Variants in NCALD observed in about 807,000 individuals in gnomAD.
The protein encoded by NCALD is neurocalcin-delta.
A neutral mutation model predicts 18.6 loss-of-function variants in NCALD; 10 were observed. That is an observed-to-expected ratio of 0.54 (90% CI 0.33 to 0.91). The LOEUF (loss-of-function observed/expected upper bound fraction) is 0.91. NCALD is among the 40% of genes least tolerant of loss of function. The pLI, the probability that NCALD is intolerant of heterozygous loss-of-function variation, is 0.03. For missense variants in NCALD, 184 were observed against 247.6 expected, an observed-to-expected ratio of 0.74 and a Z score of 1.72; for synonymous variants, 88 against 87.4, an observed-to-expected ratio of 1.01 and a Z score of -0.04.
intron 4 of NCALD, among the ~76,000 whole-genome samples, chr8:101,852,117 T>A (rs59747937): frequency 0.037 from 5,613 of 152,088 alleles, 220 homozygotes; most frequent in African/African-American, 0.092. Context: ...GAGCAATAAT[T>A]TTCTATTATC....
chr8:101,807,017 GA>G (rs758206161), intron 4 of NCALD, among the ~76,000 whole-genome samples: 2 of 152,012 alleles, frequency 1.3e-5, no homozygotes, highest in Non-Finnish European at 2.9e-5. Flanking sequence ...TTAAAGTGCT[GA>G]AAGAAGACAG....
intron 1 of NCALD, among the ~76,000 whole-genome samples, chr8:101,762,137 T>C (rs1185845214): frequency 6.6e-6 from 1 of 152,134 alleles, no homozygotes; most frequent in Non-Finnish European, 1.5e-5. Flanking sequence ...TGAATCAATA[T>C]CCCGACTAAT....
At chr8:102,072,928 G>A (rs11784616) in intron 1 of NCALD, among the ~76,000 whole-genome samples, 35,160 of 151,888 alleles carry the variant, frequency 0.23, 4,377 homozygotes, top group African/African-American at 0.29. Context: ...ATCTGTATGT[G>A]TAAAATTCTT....
At chr8:101,717,775 AAAC>A (rs1055077640) in intron 2 of NCALD, among the ~76,000 whole-genome samples, 8 of 152,286 alleles carry the variant, frequency 5.3e-5, no homozygotes, top group South Asian at 4.1e-4. Context: ...GGGAGGGAAA[AAAC>A]AACAACAACA....
chr8:101,843,637 C>T (rs937984873), intron 4 of NCALD, among the ~76,000 whole-genome samples: 11 of 138,578 alleles, frequency 7.9e-5, no homozygotes, highest in African/African-American at 3.2e-4. Flanking sequence ...AGTGCAGTGG[C>T]ACAATCTCAG....
intron 1 of NCALD, among the ~76,000 whole-genome samples, chr8:101,782,191 T>C (rs1228411278): frequency 6.6e-6 from 1 of 151,630 alleles, no homozygotes; most frequent in East Asian, 1.9e-4. Flanking sequence ...CTTGTTCATT[T>C]GGTTTGGAAC....
At chr8:102,068,282 T>C (rs765197279) in intron 1 of NCALD, among the ~76,000 whole-genome samples, 1 of 151,878 alleles carries the variant, frequency 6.6e-6, no homozygotes, top group Non-Finnish European at 1.5e-5. Flanking sequence ...CTGGAAAAAA[T>C]TCCCCCTCCC....
Position 101,996,943 on chromosome 8 carries a change from T to C in NCALD, c.-157+23294A>G, listed in dbSNP as rs368842052. Among the ~76,000 whole-genome samples the C allele has an allele frequency of 7.2e-5, 11 of 152,240 alleles. 1 individual carries two copies. In the East Asian group the frequency reaches 1.3e-3, roughly 19 times the overall value. On this transcript the variant is annotated intron_variant, in intron 2 of 6. Transcript: ENST00000311028. The stretch of plus-strand genomic sequence containing the variant: ...CAAGCTAGCATGGCGTTGCATTAAC[T>C]ACTACCTGCCTGCTCGAACACTTTG...
intron 1 of NCALD, among the ~76,000 whole-genome samples, chr8:101,749,601 T>G (rs545177270): frequency 6.6e-6 from 1 of 152,280 alleles, no homozygotes; most frequent in South Asian, 2.1e-4. Flanking sequence ...GTACATGATA[T>G]ACAAGGTTGT....
chr8:101,753,548 T>C (rs1328045133), intron 1 of NCALD, among the ~76,000 whole-genome samples: 1 of 152,192 alleles, frequency 6.6e-6, no homozygotes, highest in East Asian at 1.9e-4. Context: ...AGATATTGAT[T>C]AGCGTAAGGC....
chr8:101,958,506 T>C (rs1410541561), intron 2 of NCALD, among the ~76,000 whole-genome samples: 1 of 152,132 alleles, frequency 6.6e-6, no homozygotes, highest in Non-Finnish European at 1.5e-5. Context: ...GGGGCTACAT[T>C]ACATAGATGT....
chr8:101,769,895 A>G (rs1057241862), intron 1 of NCALD, among the ~76,000 whole-genome samples: 1 of 152,190 alleles, frequency 6.6e-6, no homozygotes, highest in African/African-American at 2.4e-5. Context: ...ACTCTGGATC[A>G]ATGCTGGCCA....
chr8:101,944,204 A>G (rs1429165551), intron 2 of NCALD, among the ~76,000 whole-genome samples: 2 of 152,068 alleles, frequency 1.3e-5, no homozygotes, highest in African/African-American at 4.8e-5. Context: ...ACCCTTTTTG[A>G]GAGAGTCTTT....
At chr8:101,892,407 C>T (rs7827511) in intron 3 of NCALD, among the ~76,000 whole-genome samples, 4,467 of 140,444 alleles carry the variant, frequency 0.032, 427 homozygotes, top group African/African-American at 0.12. Flanking sequence ...ACCACAAAGA[C>T]GGGGAAAAAA....
chr8:101,715,659 A>G (rs937236483), intron 2 of NCALD, among the ~76,000 whole-genome samples: 3 of 152,374 alleles, frequency 2.0e-5, no homozygotes, highest in Admixed American at 6.5e-5. Flanking sequence ...GGCAAAGGAT[A>G]TGAACAGACA....
intron 1 of NCALD, among the ~76,000 whole-genome samples, chr8:102,071,633 A>C (rs1208322497): frequency 6.6e-6 from 1 of 152,250 alleles, no homozygotes; most frequent in East Asian, 1.9e-4. Flanking sequence ...AACTACAAGA[A>C]TATGTGAAGT....
chr8:102,036,154 T>A (rs1239378525), intron 1 of NCALD, among the ~76,000 whole-genome samples: 9 of 151,334 alleles, frequency 5.9e-5, no homozygotes, highest in South Asian at 2.1e-4. Context: ...AATTAATTAA[T>A]TAATTAAATT....
rs183018468 is a variant in NCALD at position 101,950,514 on chromosome 8, C to T, written c.-156-34656G>A. 3.7e-3 allele frequency among the ~76,000 whole-genome samples: 567 copies of T among 152,328 alleles called. 6 individuals carry two copies. Among genetic ancestry groups the T allele is most frequent in the Non-Finnish European group, 3.7e-3 (255 of 68,032 alleles). ...AATAGATTGCATTATCTTTCCATTT[C>T]GTCAGCCCTCCCTCTGCTGTGTGAT... On this transcript the variant is annotated intron_variant, in intron 2 of 6. Coordinates refer to the NCALD transcript ENST00000311028.
chr8:101,869,405 G>A lies in NCALD; in HGVS notation c.-20+17736C>T, dbSNP rs558943335. Among the ~76,000 whole-genome samples the A allele has an allele frequency of 2.4e-4, 36 of 152,244 alleles. 1 individual carries two copies. The South Asian group carries it at 6.6e-3, about 28-fold the overall frequency. ...GCCTGGAGCAGAGGGAAAAAGCAAGGGAAGACATTCTCCCCATAGGGCATC... is the reference window on the plus strand; with the variant it reads ...GCCTGGAGCAGAGGGAAAAAGCAAGAGAAGACATTCTCCCCATAGGGCATC... On this transcript the variant is annotated intron_variant, in intron 4 of 6. Coordinates refer to the NCALD transcript ENST00000311028.
Sources: allele counts gnomAD v4.1 joint callset (sites outside exome capture counted in the v4.1 genomes callset), GRCh38; gene constraint gnomAD v4.1.1; transcripts MANE v1.5; gene names NCBI Gene and HGNC (gene_info 2026-07-23, HGNC 2026-07-21).